The following MGAT5 variants were observed in gnomAD, a reference collection of about 807,000 sequenced individuals.
MGAT5 encodes alpha-1,6-mannosylglycoprotein 6-beta-N-acetylglucosaminyltransferase, also known as alpha-1,6-mannosylglycoprotein 6-beta-N-acetylglucosaminyltransferase A.
In MGAT5, 30 loss-of-function variants were observed where a neutral mutation model predicts 94.3. That is an observed-to-expected ratio of 0.32 (90% CI 0.24 to 0.43). MGAT5 has a LOEUF of 0.43. Ranked by LOEUF, MGAT5 falls within the 20% of genes least tolerant of loss-of-function variation. The probability of loss-of-function intolerance (pLI) is 1.00; values close to 1 mark genes in which losing one functional copy is unlikely to be tolerated. For missense variants in MGAT5, 691 were observed against 905.5 expected (o/e 0.76, Z 3.04); for synonymous variants, 310 against 322.9 (o/e 0.96, Z 0.43).
rs148917856 is a variant in MGAT5, at chr2:134,402,971, C to G, written c.1381-17C>G. 2.1e-4 allele frequency: 336 copies of G among 1,576,072 alleles called. 1 individual carries two copies. The African/African-American group carries it at 4.3e-3, about 20-fold the overall frequency. On this transcript the variant is annotated splice_polypyrimidine_tract_variant and intron_variant, in intron 10 of 15. Coordinates refer to ENST00000281923, the MANE Select transcript of MGAT5 (RefSeq NM_002410.5). ...GAAAGAAAAAGAGAAATGTCTTGTGCTTGTTTTCTTCTTTAGAATAAGAAG... is the reference window on the plus strand; with the variant it reads ...GAAAGAAAAAGAGAAATGTCTTGTGGTTGTTTTCTTCTTTAGAATAAGAAG...
chr2:134,333,213 A>G (rs1182645781), intron 4 of MGAT5, among the ~76,000 whole-genome samples: 2 of 152,156 alleles, frequency 1.3e-5, no homozygotes, highest in Non-Finnish European at 2.9e-5. Context: ...GACTGGACTA[A>G]GAAAATGTGG....
At chr2:134,326,052 C>CTCTT (rs575100363) in intron 4 of MGAT5, among the ~76,000 whole-genome samples, 63 of 135,804 alleles carry the variant, frequency 4.6e-4, no homozygotes, top group Non-Finnish European at 8.0e-4. Context: ...CTCTCTCTCT[C>CTCTT]TTTTTTTTTT....
chr2:134,215,976 T>G (rs1173533067), intron 1 of MGAT5, among the ~76,000 whole-genome samples: 3 of 152,180 alleles, frequency 2.0e-5, no homozygotes, highest in African/African-American at 7.2e-5. Flanking sequence ...GTTATCTGCT[T>G]GGTGCTTTTA....
chr2:134,251,523 G>A (rs114139355), upstream of MGAT5, among the ~76,000 whole-genome samples: 540 of 152,266 alleles, frequency 3.5e-3, 2 homozygotes, highest in Non-Finnish European at 6.4e-3. Flanking sequence ...GTGGGGAGGG[G>A]CTCCCTAAAG....
chr2:134,406,619 A>G (rs1360589828), intron 11 of MGAT5, among the ~76,000 whole-genome samples: 1 of 152,148 alleles, frequency 6.6e-6, no homozygotes, highest in Non-Finnish European at 1.5e-5. Context: ...GCAGTAGCTC[A>G]CATCTGTAAT....
chr2:134,197,831 G>A (rs150132113), intron 1 of MGAT5, among the ~76,000 whole-genome samples: 1 of 152,238 alleles, frequency 6.6e-6, no homozygotes, highest in African/African-American at 2.4e-5. Context: ...GCTCTCCTTT[G>A]TATGCCCTGA....
At chr2:134,157,604 T>G (rs1687535617) in intron 1 of MGAT5, among the ~76,000 whole-genome samples, 1 of 152,096 alleles carries the variant, frequency 6.6e-6, no homozygotes, top group Non-Finnish European at 1.5e-5. Context: ...ATGGTGGTTT[T>G]GGGATGATTC....
chr2:134,197,795 C>T (rs1383138302), intron 1 of MGAT5, among the ~76,000 whole-genome samples: 1 of 152,184 alleles, frequency 6.6e-6, no homozygotes, highest in Non-Finnish European at 1.5e-5. Context: ...CTCCTTCCTT[C>T]TGGTTGCCCT....
At chr2:134,403,280 C>G in intron 11 of MGAT5, 143 bp downstream of exon 11, 2 of 744,014 alleles carry the variant, frequency 2.7e-6, no homozygotes, top group Middle Eastern at 2.4e-4. Context: ...CCAATGGCAG[C>G]TGAAAAGTAA....
chr2:134,336,365 G>C (rs1402151356), intron 5 of MGAT5, 77 bp downstream of exon 5: 1 of 1,236,266 alleles, frequency 8.1e-7, no homozygotes, highest in Non-Finnish European at 1.2e-6. Context: ...GAATCTTCTA[G>C]AAATGCCAAC....
At chr2:134,270,710 A>T (rs1177284093) in intron 2 of MGAT5, among the ~76,000 whole-genome samples, 160 bp downstream of exon 2, 1 of 152,268 alleles carries the variant, frequency 6.6e-6, no homozygotes. Context: ...ATTTTTTAAT[A>T]GCAGATGTTA....
At chr2:134,319,136 TC>T (rs1242887504) in intron 4 of MGAT5, among the ~76,000 whole-genome samples, 1 of 151,918 alleles carries the variant, frequency 6.6e-6, no homozygotes, top group Non-Finnish European at 1.5e-5. Flanking sequence ...AAACACTAAC[TC>T]CCCCTTAAGA....
intron 1 of MGAT5, among the ~76,000 whole-genome samples, chr2:134,181,390 A>T (rs1688728333): frequency 6.6e-6 from 1 of 152,126 alleles, no homozygotes; most frequent in Admixed American, 6.5e-5. Context: ...TTTTGTGCCT[A>T]AACTTGTTTT....
upstream of MGAT5, among the ~76,000 whole-genome samples, chr2:134,251,811 A>G (rs987714136): frequency 1.3e-5 from 2 of 152,208 alleles, no homozygotes; most frequent in African/African-American, 4.8e-5. Flanking sequence ...ATTATTAACC[A>G]TAGTCACCTT....
chr2:134,413,611 G>C (rs1207638092), intron 12 of MGAT5, among the ~76,000 whole-genome samples: 1 of 152,196 alleles, frequency 6.6e-6, no homozygotes, highest in Non-Finnish European at 1.5e-5. Flanking sequence ...ATTTGATTTA[G>C]GGCAATAAAC....
intron 10 of MGAT5, among the ~76,000 whole-genome samples, chr2:134,389,597 A>G (rs1193542452): frequency 6.6e-6 from 1 of 152,224 alleles, no homozygotes; most frequent in Non-Finnish European, 1.5e-5. Flanking sequence ...GCCTGTAGTC[A>G]TGCACATATG....
At chr2:134,189,970 T>C (rs1689286811) in intron 1 of MGAT5, among the ~76,000 whole-genome samples, 1 of 152,210 alleles carries the variant, frequency 6.6e-6, no homozygotes. Flanking sequence ...AATTTTATGG[T>C]GACCTTTTAC....
intron 1 of MGAT5, among the ~76,000 whole-genome samples, chr2:134,218,333 GT>G (rs34722707): frequency 0.082 from 12,538 of 152,150 alleles, 1,083 homozygotes; most frequent in African/African-American, 0.22. Context: ...CAACGTATCA[GT>G]TAACTGTTAC....
At chr2:134,143,605 C>G (rs1686762145) in intron 1 of MGAT5, among the ~76,000 whole-genome samples, 1 of 152,142 alleles carries the variant, frequency 6.6e-6, no homozygotes. Context: ...TGAGGAACAT[C>G]AGGCAGGCGC....
Sources: gnomAD v4.1 joint callset for allele counts (sites outside exome capture counted in the v4.1 genomes callset) on GRCh38, gnomAD v4.1.1 for gene constraint, MANE v1.5 for transcripts, NCBI Gene and HGNC (gene_info 2026-07-23, HGNC 2026-07-21) for gene names.